Variants in CHSY3 observed in about 807,000 individuals in gnomAD.
The protein encoded by CHSY3 is N-acetylgalactosaminyl-proteoglycan 3-beta-glucuronosyltransferase 3.
In CHSY3, 35 loss-of-function variants were observed where a neutral mutation model predicts 67.2. The ratio of observed to expected loss-of-function variants is 0.52; its 90% CI spans 0.40 to 0.69. CHSY3 has a LOEUF of 0.69. Ranked by LOEUF, CHSY3 falls within the 30% of genes least tolerant of loss-of-function variation. The pLI is 0.00. For missense variants in CHSY3, 1,069 were observed against 1,138.5 expected (o/e 0.94, Z 0.88); for synonymous variants, 474 against 434.7 (o/e 1.09, Z -1.12).
chr5:130,055,456 A>G (rs1765500996), intron 2 of CHSY3, among the ~76,000 whole-genome samples: 1 of 152,124 alleles, frequency 6.6e-6, no homozygotes, highest in South Asian at 2.1e-4. Context: ...AGATTGTGAA[A>G]CAAGAGTTGG....
In CHSY3 at chr5:130,185,203, C is replaced by T; in HGVS notation, c.2061C>T (p.Thr687=). 6.2e-7 allele frequency: 1 copy of T among 1,610,212 alleles called. No individual in the cohort carries two copies. Among genetic ancestry groups the T allele is most frequent in the Non-Finnish European group, 8.5e-7 (1 of 1,176,556 alleles). The part of the protein sequence containing the change: ...YQNKYPKAEM[T]LIPMKGEFSR... Reference sequence around the variant, plus strand: ...ACAAGTACCCCAAAGCAGAAATGACCCTGATCCCAATGAAGGGAGAGTTTT... The same window carrying T: ...ACAAGTACCCCAAAGCAGAAATGACTCTGATCCCAATGAAGGGAGAGTTTT... Residue 687 remains threonine (T), a synonymous_variant, in exon 3 of 3, where the codon ACC becomes ACT. Coordinates refer to ENST00000305031, the MANE Select transcript of CHSY3 (RefSeq NM_175856.5).
At chr5:130,128,032 A>G (rs570462334) in intron 2 of CHSY3, among the ~76,000 whole-genome samples, 21 of 152,280 alleles carry the variant, frequency 1.4e-4, no homozygotes, top group Non-Finnish European at 2.6e-4. Context: ...ATATTTATGG[A>G]TATTTTAATA....
chr5:130,061,109 T>A (rs1365515017), intron 2 of CHSY3, among the ~76,000 whole-genome samples: 1 of 151,988 alleles, frequency 6.6e-6, no homozygotes, highest in East Asian at 1.9e-4. Flanking sequence ...GCCAAAGCAA[T>A]CCTAAGCAAA....
chr5:129,911,070 T>A (rs1239950600), intron 2 of CHSY3, among the ~76,000 whole-genome samples: 1 of 151,776 alleles, frequency 6.6e-6, no homozygotes, highest in Non-Finnish European at 1.5e-5. Context: ...ATTTTTAAGT[T>A]TGAATAGATG....
intron 2 of CHSY3, among the ~76,000 whole-genome samples, chr5:129,954,333 GTC>G (rs1321062699): frequency 6.6e-6 from 1 of 151,992 alleles, no homozygotes; most frequent in Non-Finnish European, 1.5e-5. Flanking sequence ...TGTTCCATTG[GTC>G]TATATATCTG....
intron 2 of CHSY3, among the ~76,000 whole-genome samples, chr5:129,918,963 C>G (rs1387290563): frequency 2.7e-5 from 4 of 148,306 alleles, no homozygotes; most frequent in African/African-American, 9.9e-5. Flanking sequence ...AAAAATTAGC[C>G]GGGCGCGGTG....
intron 2 of CHSY3, among the ~76,000 whole-genome samples, chr5:130,148,857 C>A (rs1167113487): frequency 6.6e-6 from 1 of 152,092 alleles, no homozygotes; most frequent in African/African-American, 2.4e-5. Flanking sequence ...TCCGGTGACT[C>A]TGTTGGTAGT....
At chr5:129,983,525 T>C (rs1763081163) in intron 2 of CHSY3, among the ~76,000 whole-genome samples, 1 of 152,098 alleles carries the variant, frequency 6.6e-6, no homozygotes, top group South Asian at 2.1e-4. Flanking sequence ...TATTCTTTGA[T>C]CTCTGAAGAA....
intron 2 of CHSY3, among the ~76,000 whole-genome samples, chr5:129,922,535 C>A (rs1213712191): frequency 6.6e-6 from 1 of 152,208 alleles, no homozygotes; most frequent in Non-Finnish European, 1.5e-5. Flanking sequence ...CTCTAACAGG[C>A]ATGAGGTGAT....
intron 2 of CHSY3, among the ~76,000 whole-genome samples, chr5:130,100,572 T>C (rs1169633251): frequency 6.6e-6 from 1 of 152,106 alleles, no homozygotes; most frequent in Non-Finnish European, 1.5e-5. Flanking sequence ...CACCTAAAGT[T>C]GAAATGACAA....
At chr5:130,045,330 T>C (rs1418168889) in intron 2 of CHSY3, among the ~76,000 whole-genome samples, 2 of 152,070 alleles carry the variant, frequency 1.3e-5, no homozygotes, top group East Asian at 1.9e-4. Context: ...ACTTGAGTTA[T>C]GGCAAGGGGA....
intron 2 of CHSY3, among the ~76,000 whole-genome samples, chr5:130,106,328 T>G (rs2149701367): frequency 6.6e-6 from 1 of 151,722 alleles, no homozygotes; most frequent in South Asian, 2.1e-4. Context: ...AAGACCAATC[T>G]TGTCACTAAA....
At chr5:130,092,598 T>C (rs1392166187) in intron 2 of CHSY3, among the ~76,000 whole-genome samples, 1 of 152,202 alleles carries the variant, frequency 6.6e-6, no homozygotes, top group Non-Finnish European at 1.5e-5. Flanking sequence ...TCACTTTAAA[T>C]ATTGGCCTTT....
chr5:129,979,026 CT>C (rs927363648), intron 2 of CHSY3, among the ~76,000 whole-genome samples: 7 of 151,128 alleles, frequency 4.6e-5, no homozygotes, highest in African/African-American at 1.7e-4. Flanking sequence ...GTGAAACCCC[CT>C]GTCTACTAAA....
chr5:129,974,738 T>C (rs1762747592), intron 2 of CHSY3, among the ~76,000 whole-genome samples: 1 of 152,092 alleles, frequency 6.6e-6, no homozygotes, highest in Non-Finnish European at 1.5e-5. Context: ...ACATTGAAAA[T>C]GTCACAGCTG....
chr5:130,092,646 C>G lies in CHSY3; in HGVS notation c.1087-91583C>G, dbSNP rs535014550. Among the ~76,000 whole-genome samples, 3 of 152,248 alleles carry G rather than the reference C, an allele frequency of 2.0e-5. No homozygotes were observed. In the South Asian group the frequency reaches 6.2e-4, roughly 32 times the overall value. On this transcript the variant is annotated intron_variant, in intron 2 of 2. Transcript: ENST00000305031. ...ACATAATCTGAATCTAATTTTTTAA[C>G]CAAGATACCAGGGGTTTGGTATAGG... is the stretch of plus-strand genomic sequence containing the variant.
chr5:130,168,876 G>A (rs562055880), intron 2 of CHSY3, among the ~76,000 whole-genome samples: 8 of 151,992 alleles, frequency 5.3e-5, no homozygotes, highest in Admixed American at 2.6e-4. Context: ...GCTTGTCTCC[G>A]TCACTAAATA....
At chr5:130,025,716 A>G (rs1204143908) in intron 2 of CHSY3, among the ~76,000 whole-genome samples, 1 of 152,028 alleles carries the variant, frequency 6.6e-6, no homozygotes, top group Non-Finnish European at 1.5e-5. Context: ...CAGAAGGGCC[A>G]GGGAACTCCC....
chr5:130,025,528 T>G (rs1352484102), intron 2 of CHSY3, among the ~76,000 whole-genome samples: 1 of 152,126 alleles, frequency 6.6e-6, no homozygotes, highest in Non-Finnish European at 1.5e-5. Flanking sequence ...TGTCTTAGTC[T>G]GCTTGGGCTG....
Sources: gnomAD v4.1 joint callset for allele counts (sites outside exome capture counted in the v4.1 genomes callset) on GRCh38, gnomAD v4.1.1 for gene constraint, MANE v1.5 for transcripts, NCBI Gene and HGNC (gene_info 2026-07-23, HGNC 2026-07-21) for gene names.